Variants in PCBD1 observed in about 807,000 individuals in gnomAD.
The protein encoded by PCBD1 is pterin-4 alpha-carbinolamine dehydratase 1, also known as pterin-4-alpha-carbinolamine dehydratase.
Under a neutral mutation model 12.6 loss-of-function variants are expected in PCBD1, and 16 were observed. The observed-to-expected ratio is 1.27, with a 90% CI of 0.86 to 1.93. The LOEUF is 1.93. Ranked by LOEUF, PCBD1 falls within the 30% of genes most tolerant of loss-of-function variation. PCBD1 has a pLI of 0.00. For synonymous variants in PCBD1, 53 were observed against 50.2 expected, an observed-to-expected ratio of 1.05 and a Z score of -0.23; for missense variants, 86 against 130.1, an observed-to-expected ratio of 0.66 and a Z score of 1.65.
In PCBD1 at chr10:70,886,591, C is replaced by T. The variant is rs1846587965; in HGVS notation, c.4-662G>A. On this transcript the variant is annotated intron_variant, in intron 1 of 3. Coordinates refer to ENST00000299299, the MANE Select transcript of PCBD1 (RefSeq NM_000281.4). Reference sequence around the variant, plus strand: ...AATAAGTGTCCATCCCATTCTTAGCCACACTGCAGCTGACCGCCGTTGGCA... The same window carrying T: ...AATAAGTGTCCATCCCATTCTTAGCTACACTGCAGCTGACCGCCGTTGGCA... Among the ~76,000 whole-genome samples the T allele has an allele frequency of 3.3e-5, 5 of 152,248 alleles. No individual in the cohort carries two copies. In the South Asian group the frequency reaches 6.2e-4, roughly 19 times the overall value.
chr10:70,882,815 A>G (rs554357037), downstream of PCBD1, among the ~76,000 whole-genome samples: 2 of 152,362 alleles, frequency 1.3e-5, no homozygotes, highest in South Asian at 2.1e-4. Flanking sequence ...GGAAGAAAAT[A>G]TAGGTTGAGT....
Position 70,883,630 on chromosome 10 carries a change from T to C in PCBD1, c.*320A>G, listed in dbSNP as rs1202582916. 2 of 1,241,148 alleles carry C rather than the reference T, an allele frequency of 1.6e-6. No homozygotes were observed. Among genetic ancestry groups the C allele is most frequent in the East Asian group, 4.4e-5 (1 of 22,564 alleles). The allele number at this position is 1,241,148 out of a possible 1,614,324, so 76.9% of individuals were successfully genotyped here. A position where few individuals can be genotyped will look rare whatever the true frequency, so the allele number is the denominator to read the frequency against. ...TATTTCACCCTGTATCACAGCTTCC[T>C]GGGAAATGAATTAGGGAGCAAGAGA... On this transcript the variant is annotated 3_prime_UTR_variant, in exon 4 of 4. Transcript: ENST00000299299.
At chr10:70,888,446 TTCCCCCGCCCCTTCCC>T in intron 1 of PCBD1, 69 bp downstream of exon 1, 1 of 1,407,086 alleles carries the variant, frequency 7.1e-7, no homozygotes, top group South Asian at 1.4e-5. Context: ...CGAAAAGACT[TTCCCCCGCCCCTTCCC>T]GCTCCCACCT....
intron 1 of PCBD1, among the ~76,000 whole-genome samples, chr10:70,887,662 A>G (rs963651017): frequency 6.6e-6 from 1 of 152,126 alleles, no homozygotes; most frequent in Non-Finnish European, 1.5e-5. Context: ...TGAACTGACA[A>G]ACCTTCCAGG....
chr10:70,884,873 T>G (rs1219544734), intron 3 of PCBD1, among the ~76,000 whole-genome samples: 1 of 152,148 alleles, frequency 6.6e-6, no homozygotes, highest in African/African-American at 2.4e-5. Flanking sequence ...CTTTCTTGGG[T>G]TTTGCCTTCT....
Position 70,883,525 on chromosome 10 carries a change from G to C in PCBD1, c.*425C>G. On this transcript the variant is annotated 3_prime_UTR_variant, in exon 4 of 4. Coordinates refer to ENST00000299299, the MANE Select transcript of PCBD1 (RefSeq NM_000281.4). ...GAGCCTGAGACCAAGTGATATAATA[G>C]TTTTATTTGAGACATAAAAACACAT... is the stretch of plus-strand genomic sequence containing the variant. The C allele has an allele frequency of 9.1e-7, 1 of 1,095,326 alleles. No individual in the cohort carries two copies. Among genetic ancestry groups the C allele is most frequent in the Non-Finnish European group, 1.1e-6 (1 of 894,132 alleles). 67.9% of individuals were successfully genotyped at this position (1,095,326 alleles called of 1,614,324 possible).
At chr10:70,886,541 G>A (rs1480502513) in intron 1 of PCBD1, among the ~76,000 whole-genome samples, 1 of 152,202 alleles carries the variant, frequency 6.6e-6, no homozygotes, top group Non-Finnish European at 1.5e-5. Flanking sequence ...GCATTGCTGG[G>A]GCTGGACGAA....
intron 3 of PCBD1, 126 bp from the exon 4 acceptor site, chr10:70,884,174 G>A (rs1246258178): frequency 1.5e-5 from 13 of 881,970 alleles, no homozygotes; most frequent in Non-Finnish European, 9.1e-6. Flanking sequence ...TCTCTCCTGG[G>A]GACTCCTTCC....
At chr10:70,886,275 T>G (rs1846582157) in intron 1 of PCBD1, among the ~76,000 whole-genome samples, 1 of 152,210 alleles carries the variant, frequency 6.6e-6, no homozygotes, top group African/African-American at 2.4e-5. Context: ...TCCATGAGAT[T>G]ATTACATCAG....
intron 1 of PCBD1, 148 bp downstream of exon 1, chr10:70,888,383 A>T: frequency 1.1e-6 from 1 of 887,244 alleles, no homozygotes; most frequent in Non-Finnish European, 1.5e-6. Context: ...CGCCAGCGAC[A>T]GAGAGCCGGG....
chr10:70,885,290 C>T lies in PCBD1; in HGVS notation c.136-58G>A, dbSNP rs138190867. 3.5e-5 allele frequency: 47 copies of T among 1,337,500 alleles called. No homozygotes were observed. In the African/African-American group the frequency reaches 6.0e-4, roughly 17 times the overall value. The allele number at this position is 1,337,500 out of a possible 1,614,324, so 82.9% of individuals were successfully genotyped here. The stretch of plus-strand genomic sequence containing the variant: ...TCTAAGAGAAAGGACTTCTGGACAT[C>T]ACCAATTCAAGGCCTAGACGCAGGA... On this transcript the variant is annotated intron_variant, in intron 2 of 3. Transcript: ENST00000299299.
chr10:70,886,362 C>G (rs1846583721), intron 1 of PCBD1, among the ~76,000 whole-genome samples: 1 of 152,198 alleles, frequency 6.6e-6, no homozygotes, highest in African/African-American at 2.4e-5. Flanking sequence ...ACCCATGACT[C>G]TCCCCCCTTC....
At chr10:70,886,002 T>C (rs1846577335) in intron 1 of PCBD1, 73 bp from the exon 2 acceptor site, 1 of 1,569,436 alleles carries the variant, frequency 6.4e-7, no homozygotes, top group Non-Finnish European at 8.7e-7. Context: ...CTCCAACCTT[T>C]AGGGGAACTT....
Position 70,883,940 on chromosome 10 carries a change from A to T in PCBD1, c.*10T>A, listed in dbSNP as rs2131965635. 1 of 1,612,758 alleles carries T rather than the reference A, an allele frequency of 6.2e-7. No homozygotes were observed. Among genetic ancestry groups the T allele is most frequent in the South Asian group, 1.1e-5 (1 of 90,480 alleles). On this transcript the variant is annotated 3_prime_UTR_variant, in exon 4 of 4. Coordinates refer to ENST00000299299, the MANE Select transcript of PCBD1 (RefSeq NM_000281.4). Reference sequence around the variant, plus strand: ...TTCCCCCGGAAGAATTCAAAGAGGAAGGGCAGGGTCTATGTCATGGACACT... The same window carrying T: ...TTCCCCCGGAAGAATTCAAAGAGGATGGGCAGGGTCTATGTCATGGACACT...
chr10:70,884,553 C>A (rs1262516943), intron 3 of PCBD1, among the ~76,000 whole-genome samples: 1 of 136,348 alleles, frequency 7.3e-6, no homozygotes, highest in East Asian at 2.3e-4. Flanking sequence ...TCAATCTCTG[C>A]TCACTGCAAG....
chr10:70,884,239 AATC>A (rs1452231722), intron 3 of PCBD1, among the ~76,000 whole-genome samples, 191 bp from the exon 4 acceptor site: 1 of 152,182 alleles, frequency 6.6e-6, no homozygotes, highest in East Asian at 1.9e-4. Context: ...TCTCAAAAAT[AATC>A]ATGACTTCAG....
At chr10:70,887,693 A>AG (rs1564637430) in intron 1 of PCBD1, among the ~76,000 whole-genome samples, 4 of 152,104 alleles carry the variant, frequency 2.6e-5, no homozygotes, top group Non-Finnish European at 5.9e-5. Flanking sequence ...GGAGACAGAG[A>AG]GGGGGACGCT....
chr10:70,886,635 C>T (rs1846589036), intron 1 of PCBD1, among the ~76,000 whole-genome samples: 1 of 152,242 alleles, frequency 6.6e-6, no homozygotes, highest in Non-Finnish European at 1.5e-5. Flanking sequence ...AGTAGGTCCT[C>T]AGTCATGCTC....
intron 1 of PCBD1, 118 bp from the exon 2 acceptor site, chr10:70,886,047 A>C: frequency 7.4e-7 from 1 of 1,349,062 alleles, no homozygotes; most frequent in Non-Finnish European, 1.0e-6. Context: ...TGGGTGACCA[A>C]AGGGCAGCAG....
Sources: allele counts gnomAD v4.1 joint callset (sites outside exome capture counted in the v4.1 genomes callset), GRCh38; gene constraint gnomAD v4.1.1; transcripts MANE v1.5; gene names NCBI Gene and HGNC (gene_info 2026-07-23, HGNC 2026-07-21).